The following ELK1 variants were observed in gnomAD, a reference collection of about 807,000 sequenced individuals.
ELK1 encodes ETS domain-containing protein Elk-1.
For synonymous variants in ELK1, 163 were observed against 176.3 expected, an observed-to-expected ratio of 0.92 and a Z score of 0.60; for missense variants, 254 against 381.5, an observed-to-expected ratio of 0.67 and a Z score of 2.78.
chrX:47,638,913 C>G lies in ELK1; in HGVS notation c.636G>C (p.Glu212Asp), dbSNP rs777360067. ...TCCTTACCTGCAGAGGCAAGCCGGCCTCTTCAGCCTCCAGACAGGCCTCCA... is the reference window on the plus strand; with the variant it reads ...TCCTTACCTGCAGAGGCAAGCCGGCGTCTTCAGCCTCCAGACAGGCCTCCA... Reference protein sequence around the residue: ...SPLEACLEAEEAGLPLQVILT... With the variant: ...SPLEACLEAEDAGLPLQVILT... Residue 212 changes from glutamate (E) to aspartate (D), a missense_variant, in exon 4 of 7, where the codon GAG becomes GAC. Coordinates refer to ENST00000376983, the MANE Select transcript of ELK1 (RefSeq NM_001114123.3). 1.0e-5 allele frequency: 12 copies of G among 1,203,231 alleles called. No individual in the cohort carries two copies. The Admixed American group carries it at 2.0e-4, about 20-fold the overall frequency.
chrX:47,642,760 G>A (rs375852053), intron 2 of ELK1, among the ~76,000 whole-genome samples: 8 of 110,078 alleles, frequency 7.3e-5, no homozygotes, highest in Admixed American at 9.7e-5. Flanking sequence ...GACCACGCCC[G>A]GCTAATTTTT....
chrX:47,638,069 C>T lies in ELK1; in HGVS notation c.768G>A (p.Glu256=). ...PEVKVEGPKE[E]LEVAGERGFV... Reference sequence around the variant, plus strand: ...ACCCTCTCTCCCCCGCAACTTCCAACTCTTCCTTGGGCCCTTCTACTTTCA... The same window carrying T: ...ACCCTCTCTCCCCCGCAACTTCCAATTCTTCCTTGGGCCCTTCTACTTTCA... The change falls in exon 5 of 7, where the codon GAG becomes GAA. Residue 256 remains glutamate, a synonymous_variant. Coordinates refer to ENST00000376983, the MANE Select transcript of ELK1 (RefSeq NM_001114123.3). 1 of 1,211,759 alleles carries T rather than the reference C, an allele frequency of 8.3e-7. No individual in the cohort carries two copies. The highest frequency in any genetic ancestry group is 1.1e-6 in the Non-Finnish European group (1 of 895,534).
At chrX:47,645,383 T>C (rs955195518) in intron 2 of ELK1, among the ~76,000 whole-genome samples, 2 of 111,431 alleles carry the variant, frequency 1.8e-5, no homozygotes, top group African/African-American at 6.5e-5. Context: ...GCAATGGAGG[T>C]ACAGAGAAGT....
intron 2 of ELK1, among the ~76,000 whole-genome samples, chrX:47,642,588 C>CTT (rs765850709): frequency 9.9e-6 from 1 of 100,932 alleles, no homozygotes. Context: ...TGTTCTCGTT[C>CTT]TTTTTTTTTT....
rs1182356782 is a variant in ELK1, at chrX:47,636,014, T to C, written c.*815A>G. ...TTAAAAATAGATTATACTATCAAAA[T>C]GGCAGCGGGGGAGAGACAGGGAGAC... On this transcript the variant is annotated 3_prime_UTR_variant, in exon 7 of 7. Coordinates refer to ENST00000376983, the MANE Select transcript of ELK1 (RefSeq NM_001114123.3). 1 of 106,455 alleles carries C rather than the reference T, an allele frequency of 9.4e-6. No homozygotes were observed. Among genetic ancestry groups the C allele is most frequent in the Non-Finnish European group, 1.9e-5 (1 of 51,951 alleles). 8.8% of individuals were successfully genotyped at this position (106,455 alleles called of 1,213,427 possible). A position where few individuals can be genotyped will look rare whatever the true frequency, so the allele number is the denominator to read the frequency against.
At chrX:47,649,259 G>A (rs1005655866) in intron 2 of ELK1, 4 of 111,390 alleles carry the variant, frequency 3.6e-5, no homozygotes, top group Non-Finnish European at 5.7e-5. Context: ...GAGGCAGAAC[G>A]TCTTTGTGGT....
chrX:47,645,217 C>T (rs764477887), intron 2 of ELK1, among the ~76,000 whole-genome samples: 2 of 111,225 alleles, frequency 1.8e-5, no homozygotes, highest in East Asian at 5.6e-4. Flanking sequence ...CAGACATCTA[C>T]GGGTATGCTA....
intron 2 of ELK1, among the ~76,000 whole-genome samples, chrX:47,647,025 C>T (rs774505046): frequency 8.9e-6 from 1 of 112,020 alleles, no homozygotes; most frequent in East Asian, 2.8e-4. Flanking sequence ...GAGTCACCTT[C>T]CCTATGCCTA....
upstream of ELK1, chrX:47,650,581 C>G (rs761251161): frequency 1.4e-5 from 4 of 288,395 alleles, no homozygotes; most frequent in South Asian, 6.0e-5. Flanking sequence ...CCCTGCGTTT[C>G]CCTACAGCTC....
intron 2 of ELK1, among the ~76,000 whole-genome samples, chrX:47,644,458 A>G (rs1304227086): frequency 1.8e-5 from 2 of 111,445 alleles, no homozygotes; most frequent in African/African-American, 3.3e-5. Flanking sequence ...CTTAGCAGGA[A>G]AGGCAGATGA....
chrX:47,641,517 A>C (rs2058028655), intron 2 of ELK1, 42 bp from the exon 3 acceptor site: 2 of 998,405 alleles, frequency 2.0e-6, no homozygotes, highest in Non-Finnish European at 2.8e-6. Context: ...TGGACATAGG[A>C]GGGGCAGAGG....
intron 2 of ELK1, among the ~76,000 whole-genome samples, chrX:47,648,439 A>G: frequency 1.8e-5 from 2 of 112,911 alleles, no homozygotes. Flanking sequence ...CCTTACTCAT[A>G]TATAAACTGG....
rs1012891872 is a variant in ELK1 at position 47,649,970 on chromosome X, G to A, written c.-84C>T. The A allele has an allele frequency of 3.7e-5, 4 of 107,795 alleles. No individual in the cohort carries two copies. The highest frequency in any genetic ancestry group is 1.4e-4 in the African/African-American group (4 of 29,321). The allele number at this position is 107,795 out of a possible 1,213,427, so 8.9% of individuals were successfully genotyped here. A position where few individuals can be genotyped will look rare whatever the true frequency, so the allele number is the denominator to read the frequency against. On this transcript the variant is annotated 5_prime_UTR_variant, in exon 2 of 7. Coordinates refer to ENST00000376983, the MANE Select transcript of ELK1 (RefSeq NM_001114123.3). The stretch of plus-strand genomic sequence containing the variant: ...GCGGCGCCACGGATTGATTCGCTAC[G>A]ATGTACAGGAAGGGTGGAATAAATA...
intron 3 of ELK1, among the ~76,000 whole-genome samples, chrX:47,640,580 T>C (rs1446283130): frequency 1.8e-5 from 2 of 111,201 alleles, no homozygotes; most frequent in Non-Finnish European, 3.8e-5. Context: ...GCTGTAGGAA[T>C]AAGATAATGA....
Position 47,636,491 on chromosome X carries a change from T to G in ELK1, c.*338A>C. On this transcript the variant is annotated 3_prime_UTR_variant, in exon 7 of 7. Transcript: ENST00000376983. ...TGTCTTGGGGAAAAAAGTGGGGAGG[T>G]GGGGGAGATGTCCTAACCACCCTAA... 1 of 181,064 alleles carries G rather than the reference T, an allele frequency of 5.5e-6. No homozygotes were observed. The highest frequency in any genetic ancestry group is 1.0e-5 in the Non-Finnish European group (1 of 97,618). 14.9% of individuals were successfully genotyped at this position (181,064 alleles called of 1,213,427 possible).
chrX:47,638,105 C>T lies in ELK1; in HGVS notation c.732G>A (p.Leu244=), dbSNP rs1569338643. 4 of 1,210,838 alleles carry T rather than the reference C, an allele frequency of 3.3e-6. No individual in the cohort carries two copies. The highest frequency in any genetic ancestry group is 4.5e-6 in the Non-Finnish European group (4 of 895,174). Residue 244 remains leucine, a synonymous_variant, in exon 5 of 7, where the codon TTG becomes TTA. Coordinates refer to ENST00000376983, the MANE Select transcript of ELK1 (RefSeq NM_001114123.3). The stretch of plus-strand genomic sequence containing the variant: ...GCCCTTCTACTTTCACTTCTGGGGG[C>T]AAAGCCCGGCCCAAACCCGGCTCCA... ...LNVEPGLGRA[L]PPEVKVEGPK...
At chrX:47,638,334 A>T in intron 4 of ELK1, 152 bp from the exon 5 acceptor site, 1 of 736,096 alleles carries the variant, frequency 1.4e-6, no homozygotes, top group Non-Finnish European at 2.0e-6. Flanking sequence ...AGGACATAGG[A>T]CTTCGTCAAG....
At position 47,638,019 on chromosome X, in the gene ELK1, T is replaced by G. The variant is rs1569338618; in HGVS notation, c.818A>C (p.Glu273Ala). Residue 273 changes from glutamate (E) to alanine (A), a missense_variant, in exon 5 of 7, where the codon GAG (glutamate) becomes GCG (alanine). Coordinates refer to ENST00000376983, the MANE Select transcript of ELK1 (RefSeq NM_001114123.3). ...GCCCTCCTGTGGAGGGACTTCTGGC[T>G]CGGCCTTGGTGGTTTCTGGCACAAA... Reference protein sequence around the residue: ...RGFVPETTKAEPEVPPQEGVP... With the variant: ...RGFVPETTKAAPEVPPQEGVP... The G allele has an allele frequency of 2.5e-6, 3 of 1,210,959 alleles. No individual in the cohort carries two copies. Among genetic ancestry groups the G allele is most frequent in the Non-Finnish European group, 3.4e-6 (3 of 895,297 alleles).
At chrX:47,645,633 G>C (rs974109444) in intron 2 of ELK1, among the ~76,000 whole-genome samples, 1 of 112,321 alleles carries the variant, frequency 8.9e-6, no homozygotes. Context: ...TGCCCTCTGT[G>C]GGGGAGGGCC....
Sources: gnomAD v4.1 joint callset for allele counts (sites outside exome capture counted in the v4.1 genomes callset) on GRCh38, gnomAD v4.1.1 for gene constraint, MANE v1.5 for transcripts, NCBI Gene and HGNC (gene_info 2026-07-23, HGNC 2026-07-21) for gene names.